MACROD2: variants seen among roughly 807,000 people sequenced by gnomAD.
MACROD2 encodes the protein mono-ADP ribosylhydrolase 2, also known as ADP-ribose glycohydrolase MACROD2.
In MACROD2, 36 loss-of-function variants were observed where a neutral mutation model predicts 70.4. The ratio of observed to expected loss-of-function variants is 0.51; its 90% CI spans 0.39 to 0.68. The LOEUF (loss-of-function observed/expected upper bound fraction) is 0.68, where lower values mean the gene tolerates loss of function less well. Among genes scored for constraint, MACROD2 ranks in the 30% least tolerant of loss-of-function variants. The pLI, the probability that MACROD2 is intolerant of heterozygous loss-of-function variation, is 0.00. For synonymous variants in MACROD2, 172 were observed against 178.8 expected, an observed-to-expected ratio of 0.96 and a Z score of 0.30; for missense variants, 496 against 538.4, an observed-to-expected ratio of 0.92 and a Z score of 0.78.
chr20:14,735,894 A>G (rs896310563), intron 5 of MACROD2, among the ~76,000 whole-genome samples: 1 of 152,144 alleles, frequency 6.6e-6, no homozygotes, highest in Non-Finnish European at 1.5e-5. Flanking sequence ...AAAGTGGTGT[A>G]GCTACTGTGG....
chr20:15,391,161 C>G (rs757342198), intron 6 of MACROD2, among the ~76,000 whole-genome samples: 4 of 152,172 alleles, frequency 2.6e-5, no homozygotes, highest in Non-Finnish European at 5.9e-5. Flanking sequence ...TGGAGCAGCT[C>G]AAAGACTCCT....
At chr20:15,264,017 T>G (rs1424634526) in intron 6 of MACROD2, among the ~76,000 whole-genome samples, 8 of 152,212 alleles carry the variant, frequency 5.3e-5, no homozygotes, top group Middle Eastern at 6.8e-3. Context: ...GAATGCCCCA[T>G]CAGGACTTTT....
At chr20:14,849,925 T>A (rs1408217978) in intron 5 of MACROD2, 1 of 503,380 alleles carries the variant, frequency 2.0e-6, no homozygotes, top group Non-Finnish European at 3.9e-6. Context: ...GCAAGAAAGC[T>A]ATTGAAACTG....
chr20:14,874,428 C>T (rs937303539), intron 5 of MACROD2, among the ~76,000 whole-genome samples: 8 of 146,566 alleles, frequency 5.5e-5, no homozygotes, highest in Non-Finnish European at 1.2e-4. Context: ...AAAAAAAATT[C>T]AAAGCTACCA....
chr20:15,126,808 T>C (rs1344064472), intron 5 of MACROD2, among the ~76,000 whole-genome samples: 3 of 152,158 alleles, frequency 2.0e-5, no homozygotes, highest in Non-Finnish European at 4.4e-5. Flanking sequence ...TTGGGACTTC[T>C]GTGAATTAAC....
chr20:14,207,573 A>G (rs1056897891), intron 3 of MACROD2, among the ~76,000 whole-genome samples: 1 of 152,216 alleles, frequency 6.6e-6, no homozygotes, highest in Non-Finnish European at 1.5e-5. Context: ...CTTAGCTTAT[A>G]TGAGAATTCT....
chr20:14,778,155 A>G (rs1471424521), intron 5 of MACROD2, among the ~76,000 whole-genome samples: 1 of 152,120 alleles, frequency 6.6e-6, no homozygotes. Context: ...TTTCAAATTG[A>G]GGTTGAGCTG....
chr20:14,004,738 C>A (rs2148611934), intron 2 of MACROD2, among the ~76,000 whole-genome samples: 1 of 152,104 alleles, frequency 6.6e-6, no homozygotes, highest in Non-Finnish European at 1.5e-5. Context: ...CGTTTTAAGT[C>A]ATTGCTTATA....
intron 4 of MACROD2, among the ~76,000 whole-genome samples, chr20:14,646,735 A>G (rs997510605): frequency 6.6e-6 from 1 of 152,108 alleles, no homozygotes; most frequent in African/African-American, 2.4e-5. Context: ...TGTTTCATGA[A>G]AAGTAACCAT....
intron 5 of MACROD2, among the ~76,000 whole-genome samples, chr20:15,101,534 CAAAA>C (rs6147300): frequency 5.6e-5 from 5 of 88,912 alleles, no homozygotes; most frequent in Admixed American, 1.4e-4. Context: ...GGTGTTGGTT[CAAAA>C]AAAAAAAAAA....
intron 8 of MACROD2, among the ~76,000 whole-genome samples, chr20:15,783,339 C>T (rs1238296071): frequency 5.3e-5 from 8 of 152,110 alleles, no homozygotes; most frequent in Admixed American, 2.0e-4. Flanking sequence ...AAATACTTTA[C>T]GTCATGGTTT....
chr20:14,181,213 T>G (rs1011636206), intron 3 of MACROD2, among the ~76,000 whole-genome samples: 4 of 151,652 alleles, frequency 2.6e-5, no homozygotes, highest in Non-Finnish European at 5.9e-5. Context: ...AGACTACAGG[T>G]GCACGCCACC....
intron 5 of MACROD2, among the ~76,000 whole-genome samples, chr20:15,143,483 G>A (rs912438553): frequency 6.6e-6 from 1 of 152,136 alleles, no homozygotes; most frequent in Non-Finnish European, 1.5e-5. Flanking sequence ...TCTGATGGTA[G>A]TTTCTTTTGC....
At chr20:14,936,762 C>T (rs2074343953) in intron 5 of MACROD2, among the ~76,000 whole-genome samples, 1 of 152,116 alleles carries the variant, frequency 6.6e-6, no homozygotes, top group Non-Finnish European at 1.5e-5. Context: ...AGATAAGAGA[C>T]TGAGAATGAC....
rs552990623 is a variant in MACROD2 at position 14,150,148 on chromosome 20, T to G, written c.271+64420T>G. ...CTCTCTTACCATTTTTCTTCTCTCT[T>G]TCTCTCTCCTGGACCCTCTGATTTT... On this transcript the variant is annotated intron_variant, in intron 3 of 17. Coordinates refer to ENST00000684519, the MANE Select transcript of MACROD2 (RefSeq NM_001351661.2). 1.6e-3 allele frequency among the ~76,000 whole-genome samples: 251 copies of G among 152,254 alleles called. 1 individual carries two copies. Among genetic ancestry groups the G allele is most frequent in the Non-Finnish European group, 2.4e-3 (165 of 67,994 alleles).
chr20:15,167,456 C>T (rs1012801366), intron 5 of MACROD2, among the ~76,000 whole-genome samples: 3 of 152,112 alleles, frequency 2.0e-5, no homozygotes, highest in East Asian at 1.9e-4. Flanking sequence ...TCCTCCTCCT[C>T]GCTGTATTCA....
At chr20:14,955,766 G>T (rs1432062206) in intron 5 of MACROD2, among the ~76,000 whole-genome samples, 1 of 152,062 alleles carries the variant, frequency 6.6e-6, no homozygotes, top group Admixed American at 6.6e-5. Flanking sequence ...CAATGCCTGA[G>T]CTTGGGGCCC....
chr20:14,223,143 G>C (rs1209112950), intron 3 of MACROD2: 1 of 152,142 alleles, frequency 6.6e-6, no homozygotes, highest in Non-Finnish European at 1.5e-5. Context: ...ATCCCTTTTG[G>C]GTGTCCACAC....
At chr20:15,358,100 G>A (rs1053482472) in intron 6 of MACROD2, among the ~76,000 whole-genome samples, 1 of 152,068 alleles carries the variant, frequency 6.6e-6, no homozygotes, top group African/African-American at 2.4e-5. Flanking sequence ...GAGCCACCGC[G>A]CCCGGCCCTC....
Sources: gnomAD v4.1 joint callset for allele counts (sites outside exome capture counted in the v4.1 genomes callset) on GRCh38, gnomAD v4.1.1 for gene constraint, MANE v1.5 for transcripts, NCBI Gene and HGNC (gene_info 2026-07-23, HGNC 2026-07-21) for gene names.